The following OR1J2 variants were observed in gnomAD, a reference collection of about 807,000 sequenced individuals.
OR1J2 encodes olfactory receptor 1J2.
For missense variants in OR1J2, 304 were observed against 246.1 expected, an observed-to-expected ratio of 1.24 and a Z score of -1.57; for synonymous variants, 142 against 99.7, an observed-to-expected ratio of 1.42 and a Z score of -2.52.
At chr9:122,457,262 G>A in the OR1J2 span, among the ~76,000 whole-genome samples, 3 of 152,142 alleles carry the variant, frequency 2.0e-5, no homozygotes, top group South Asian at 6.2e-4. Context: ...AACAGCTAAC[G>A]TACATGAGGC....
the OR1J2 span, among the ~76,000 whole-genome samples, chr9:122,453,117 G>T: frequency 1.3e-5 from 2 of 151,576 alleles, no homozygotes; most frequent in African/African-American, 4.9e-5. Flanking sequence ...GCCTGCTCCA[G>T]CTTTGCCTTC....
At chr9:122,473,155 A>C in the OR1J2 span, among the ~76,000 whole-genome samples, 2 of 152,198 alleles carry the variant, frequency 1.3e-5, no homozygotes, top group Admixed American at 1.3e-4. Flanking sequence ...TGGATCTGTC[A>C]TAAAAAATCC....
chr9:122,518,652 A>G, the OR1J2 span, among the ~76,000 whole-genome samples: 8 of 152,330 alleles, frequency 5.3e-5, no homozygotes, highest in South Asian at 1.2e-3. Context: ...AACTTTATAC[A>G]TAATGAAAAC....
the OR1J2 span, among the ~76,000 whole-genome samples, chr9:122,564,003 A>G: frequency 0.024 from 3,652 of 152,162 alleles, 156 homozygotes; most frequent in African/African-American, 0.083. Flanking sequence ...TTCAGTTACT[A>G]TAGCTTTATA....
At chr9:122,530,357 CAG>C in the OR1J2 span, among the ~76,000 whole-genome samples, 2 of 152,170 alleles carry the variant, frequency 1.3e-5, no homozygotes. Flanking sequence ...AACTCAGAAA[CAG>C]AGAGCTGCTG....
chr9:122,565,306 A>G, the OR1J2 span, among the ~76,000 whole-genome samples: 3 of 152,256 alleles, frequency 2.0e-5, no homozygotes, highest in African/African-American at 7.2e-5. Flanking sequence ...TCTGTGTCCC[A>G]TGTAAATACT....
chr9:122,448,179 C>G, the OR1J2 span, among the ~76,000 whole-genome samples: 1 of 152,010 alleles, frequency 6.6e-6, no homozygotes, highest in Non-Finnish European at 1.5e-5. Context: ...GAGAAGGTCA[C>G]CAAGAAAACA....
upstream of OR1J2, among the ~76,000 whole-genome samples, chr9:122,508,202 G>A (rs1828566611): frequency 6.6e-6 from 1 of 151,532 alleles, no homozygotes; most frequent in Non-Finnish European, 1.5e-5. Context: ...AGAAGAAGGA[G>A]GAGAAGGAGG....
chr9:122,538,315 A>G, the OR1J2 span, among the ~76,000 whole-genome samples: 2 of 152,034 alleles, frequency 1.3e-5, no homozygotes, highest in African/African-American at 4.8e-5. Context: ...AGTGTTTTGT[A>G]GTTGTCCTTA....
chr9:122,571,235 C>G, the OR1J2 span, among the ~76,000 whole-genome samples: 1 of 152,076 alleles, frequency 6.6e-6, no homozygotes, highest in South Asian at 2.1e-4. Context: ...TAATGAGGGA[C>G]TGGTCACAAT....
the OR1J2 span, among the ~76,000 whole-genome samples, chr9:122,488,025 A>G: frequency 6.6e-6 from 1 of 152,232 alleles, no homozygotes; most frequent in East Asian, 1.9e-4. Context: ...ACATAAACAC[A>G]TTAACTTCAA....
chr9:122,451,943 G>A, the OR1J2 span, among the ~76,000 whole-genome samples: 3 of 152,102 alleles, frequency 2.0e-5, no homozygotes, highest in African/African-American at 7.2e-5. Flanking sequence ...CAGTAGTGCG[G>A]TGTTGGCTCA....
the OR1J2 span, among the ~76,000 whole-genome samples, chr9:122,536,163 T>C: frequency 6.6e-6 from 1 of 152,184 alleles, no homozygotes; most frequent in African/African-American, 2.4e-5. Context: ...TAGTATTGAT[T>C]TGTAACCACA....
At chr9:122,515,352 T>TTGTGTGTGTGTGTGTGTGTG (rs10651846), downstream of OR1J2, among the ~76,000 whole-genome samples, 507 of 135,796 alleles carry the variant, frequency 3.7e-3, 4 homozygotes, top group East Asian at 9.4e-3. Context: ...CAGGAGCAGG[T>TTGTGTGTGTGTGTGTGTGTG]TGTGTGTGTG....
chr9:122,492,539 G>C, the OR1J2 span, among the ~76,000 whole-genome samples: 1 of 152,102 alleles, frequency 6.6e-6, no homozygotes, highest in Non-Finnish European at 1.5e-5. Flanking sequence ...TAGGTCAAAT[G>C]GTAGTTCTGT....
At chr9:122,477,777 C>T in the OR1J2 span, 2 of 1,613,960 alleles carry the variant, frequency 1.2e-6, no homozygotes, top group Non-Finnish European at 1.7e-6. Context: ...GAGAGTCTAG[C>T]TGGATGAGCA....
chr9:122,511,776 T>A (rs1828643410), downstream of OR1J2: 1 of 777,290 alleles, frequency 1.3e-6, no homozygotes, highest in Non-Finnish European at 2.4e-6. Flanking sequence ...GAATCTCATT[T>A]TGGTTTATCT....
chr9:122,471,160 A>C, the OR1J2 span, among the ~76,000 whole-genome samples: 1 of 152,172 alleles, frequency 6.6e-6, no homozygotes, highest in East Asian at 1.9e-4. Context: ...CTGTGTCCCC[A>C]CCCAAATCTC....
downstream of OR1J2, among the ~76,000 whole-genome samples, chr9:122,515,977 T>C (rs143342549): frequency 3.9e-5 from 6 of 152,290 alleles, no homozygotes; most frequent in Admixed American, 2.6e-4. Flanking sequence ...TTTATTTTAA[T>C]GGAAACAATG....
Sources: allele counts gnomAD v4.1 joint callset (sites outside exome capture counted in the v4.1 genomes callset), GRCh38; gene constraint gnomAD v4.1.1; transcripts MANE v1.5; gene names NCBI Gene and HGNC (gene_info 2026-07-23, HGNC 2026-07-21).